Variants in ERC2 observed in about 807,000 individuals in gnomAD.
ERC2 encodes ELKS/RAB6-interacting/CAST family member 2.
A neutral mutation model predicts 114.8 loss-of-function variants in ERC2; 42 were observed. That is an observed-to-expected ratio of 0.37 (90% CI 0.29 to 0.47). The LOEUF (loss-of-function observed/expected upper bound fraction) is 0.47. ERC2 is among the 20% of genes least tolerant of loss of function. The pLI is 0.99. For synonymous variants in ERC2, 454 were observed against 425.5 expected (o/e 1.07, Z -0.82); for missense variants, 939 against 1,150.7 (o/e 0.82, Z 2.66).
At chr3:55,858,701 G>GA (rs552798581) in intron 14 of ERC2, among the ~76,000 whole-genome samples, 4 of 152,310 alleles carry the variant, frequency 2.6e-5, no homozygotes, top group African/African-American at 9.6e-5. Flanking sequence ...CACCTAGGCT[G>GA]AAAATACCAC....
At chr3:56,127,701 T>C (rs571405083) in intron 6 of ERC2, among the ~76,000 whole-genome samples, 136 of 148,334 alleles carry the variant, frequency 9.2e-4, no homozygotes, top group African/African-American at 3.2e-3. Flanking sequence ...CCAGCCTGAA[T>C]GATAGAGCAA....
At chr3:55,559,896 C>T (rs551589357) in intron 17 of ERC2, among the ~76,000 whole-genome samples, 9 of 152,348 alleles carry the variant, frequency 5.9e-5, no homozygotes, top group South Asian at 2.1e-4. Flanking sequence ...TAGCCCACAG[C>T]GTACGGATGG....
chr3:55,686,837 C>T (rs1489629677), intron 16 of ERC2, among the ~76,000 whole-genome samples: 2 of 152,148 alleles, frequency 1.3e-5, no homozygotes, highest in Non-Finnish European at 2.9e-5. Flanking sequence ...GATTGTTCTG[C>T]CACCAGTTGC....
chr3:56,431,175 G>A (rs1321958566), intron 2 of ERC2, among the ~76,000 whole-genome samples: 1 of 152,158 alleles, frequency 6.6e-6, no homozygotes, highest in African/African-American at 2.4e-5. Context: ...ATGTCTACTG[G>A]TAGCACTAGC....
chr3:55,517,813 A>G (rs920713774), intron 17 of ERC2, among the ~76,000 whole-genome samples: 8 of 152,372 alleles, frequency 5.3e-5, no homozygotes, highest in Non-Finnish European at 1.0e-4. Flanking sequence ...CAGTGAAATA[A>G]AAGATCAGAT....
At chr3:56,459,123 A>G (rs2063195933) in intron 1 of ERC2, among the ~76,000 whole-genome samples, 1 of 152,006 alleles carries the variant, frequency 6.6e-6, no homozygotes, top group Admixed American at 6.5e-5. Context: ...ACCTTCAATC[A>G]CCTCAGGCCC....
chr3:56,413,618 G>A (rs1159483570), intron 2 of ERC2, among the ~76,000 whole-genome samples: 2 of 152,132 alleles, frequency 1.3e-5, no homozygotes, highest in Non-Finnish European at 2.9e-5. Context: ...AAGAACAGTG[G>A]CATTCAGACA....
chr3:55,782,914 T>C (rs1160916995), intron 14 of ERC2, among the ~76,000 whole-genome samples: 2 of 152,202 alleles, frequency 1.3e-5, no homozygotes, highest in African/African-American at 4.8e-5. Flanking sequence ...ACAGTGAATA[T>C]TTGCAATGAC....
intron 7 of ERC2, among the ~76,000 whole-genome samples, chr3:56,078,031 ATCT>A (rs555285285): frequency 9.7e-4 from 147 of 152,272 alleles, no homozygotes; most frequent in African/African-American, 3.3e-3. Flanking sequence ...TAAATGAAAA[ATCT>A]TCTTCTGAAT....
intron 1 of ERC2, among the ~76,000 whole-genome samples, chr3:56,445,489 G>A (rs764684489): frequency 1.3e-5 from 2 of 151,892 alleles, no homozygotes; most frequent in Admixed American, 6.6e-5. Flanking sequence ...TCCTCTTATC[G>A]TCCTCTACTC....
chr3:56,008,213 A>C (rs999801924), intron 9 of ERC2, among the ~76,000 whole-genome samples: 9 of 152,136 alleles, frequency 5.9e-5, no homozygotes, highest in African/African-American at 2.2e-4. Context: ...TCTCTCTGTA[A>C]ACAACGTTGG....
chr3:55,924,612 G>A (rs1436489713), intron 13 of ERC2, among the ~76,000 whole-genome samples: 1 of 152,062 alleles, frequency 6.6e-6, no homozygotes, highest in Non-Finnish European at 1.5e-5. Context: ...GGCACAGAAG[G>A]CAGAACTCCA....
chr3:55,863,321 G>A (rs1318463373), intron 14 of ERC2, among the ~76,000 whole-genome samples: 1 of 152,022 alleles, frequency 6.6e-6, no homozygotes, highest in Non-Finnish European at 1.5e-5. Context: ...CGACGCCAGG[G>A]CCTCAATATT....
At chr3:56,193,488 C>T (rs992743698) in intron 3 of ERC2, among the ~76,000 whole-genome samples, 1 of 149,786 alleles carries the variant, frequency 6.7e-6, no homozygotes, top group Non-Finnish European at 1.5e-5. Flanking sequence ...GCCTGGGTGA[C>T]CGAGCGAGAC....
At chr3:56,255,597 G>C (rs943835134) in intron 3 of ERC2, among the ~76,000 whole-genome samples, 4 of 152,074 alleles carry the variant, frequency 2.6e-5, no homozygotes, top group African/African-American at 9.7e-5. Context: ...AGATACTTTC[G>C]AGAAATTTCT....
intron 2 of ERC2, among the ~76,000 whole-genome samples, chr3:56,394,007 C>T (rs1285872567): frequency 6.6e-6 from 1 of 152,030 alleles, no homozygotes; most frequent in African/African-American, 2.4e-5. Flanking sequence ...TGGCCTCTGA[C>T]CTGGTCTCCA....
chr3:56,018,016 A>C (rs2073427130), intron 8 of ERC2, among the ~76,000 whole-genome samples: 1 of 152,138 alleles, frequency 6.6e-6, no homozygotes, highest in Non-Finnish European at 1.5e-5. Flanking sequence ...AAAACAGATA[A>C]ATGAACAATT....
chr3:55,781,460 C>G (rs1182504590), intron 14 of ERC2, among the ~76,000 whole-genome samples: 1 of 152,044 alleles, frequency 6.6e-6, no homozygotes, highest in Non-Finnish European at 1.5e-5. Flanking sequence ...TCTGAATTTT[C>G]AAGTTCATAG....
chr3:56,231,281 C>T (rs532678666), intron 3 of ERC2, among the ~76,000 whole-genome samples: 101 of 152,318 alleles, frequency 6.6e-4, no homozygotes, highest in Middle Eastern at 3.4e-3. Context: ...TGCCCTGACC[C>T]CAAAACCTAT....
Sources: gnomAD v4.1 joint callset for allele counts (sites outside exome capture counted in the v4.1 genomes callset) on GRCh38, gnomAD v4.1.1 for gene constraint, MANE v1.5 for transcripts, NCBI Gene and HGNC (gene_info 2026-07-23, HGNC 2026-07-21) for gene names.